Variants in FKBP8 observed in about 807,000 individuals in gnomAD.
FKBP8 encodes the protein peptidyl-prolyl cis-trans isomerase FKBP8.
Under a neutral mutation model 41.7 loss-of-function variants are expected in FKBP8, and 5 were observed. The observed-to-expected ratio is 0.12, with a 90% confidence interval of 0.06 to 0.25. The LOEUF (loss-of-function observed/expected upper bound fraction) is 0.25. FKBP8 is among the 10% of genes least tolerant of loss of function. FKBP8 has a pLI of 1.00. For synonymous variants in FKBP8, 279 were observed against 254.5 expected, an observed-to-expected ratio of 1.10 and a Z score of -0.92; for missense variants, 397 against 563.0, an observed-to-expected ratio of 0.71 and a Z score of 2.98.
At position 18,531,879 on chromosome 19, in the gene FKBP8, G is replaced by A; in HGVS notation, c.*290C>T. On this transcript the variant is annotated 3_prime_UTR_variant, in exon 9 of 9. Transcript: ENST00000608443. Reference sequence around the variant, plus strand: ...CTAGGCAGGGGAAGGGCTGCCCCCAGGCCTGTTGAGGAGAAACTGAGGCCA... The same window carrying A: ...CTAGGCAGGGGAAGGGCTGCCCCCAAGCCTGTTGAGGAGAAACTGAGGCCA... 2.3e-6 allele frequency: 1 copy of A among 438,242 alleles called. No homozygotes were observed. Among genetic ancestry groups the A allele is most frequent in the Non-Finnish European group, 4.2e-6 (1 of 236,020 alleles). The allele number at this position is 438,242 out of a possible 1,614,324, so 27.1% of individuals were successfully genotyped here. A position where few individuals can be genotyped will look rare whatever the true frequency, so the allele number is the denominator to read the frequency against.
rs768417071 is a variant in FKBP8 at position 18,541,836 on chromosome 19, T to TTCCTCCTCTTCC, written c.123_134dup (p.Glu43_Glu46dup). 1.6e-5 allele frequency: 26 copies of TTCCTCCTCTTCC among 1,613,200 alleles called. No homozygotes were observed. Among genetic ancestry groups the TTCCTCCTCTTCC allele is most frequent in the Non-Finnish European group, 2.1e-5 (25 of 1,179,620 alleles). ...GTGGCAGCTCACTCAGGTCATCCTC[T>TTCCTCCTCTTCC]TCCTCCTCTTCCTCCTCCTCTTCCT... On this transcript the variant is annotated inframe_insertion, in exon 2 of 9. Transcript: ENST00000608443.
At position 18,541,713 on chromosome 19, in the gene FKBP8, T is replaced by C. The variant is rs765376785; in HGVS notation, c.258A>G (p.Pro86=). Residue 86 remains proline, a synonymous_variant, in exon 2 of 9, where the codon CCA becomes CCG. Coordinates refer to ENST00000608443, the MANE Select transcript of FKBP8 (RefSeq NM_012181.5). ...FLAAMEPEPA[P]APAPEEWLDI... ...CCAGCCACTCTTCTGGGGCCGGGGC[T>C]GGGGCGGGCTCGGGCTCCATGGCAG... 5.6e-6 allele frequency: 9 copies of C among 1,612,538 alleles called. No homozygotes were observed. The highest frequency in any genetic ancestry group is 2.2e-5 in the East Asian group (1 of 44,866).
chr19:18,542,865 C>A, intron 1 of FKBP8: 1 of 1,277,402 alleles, frequency 7.8e-7, no homozygotes, highest in Non-Finnish European at 1.0e-6. Flanking sequence ...ACCAGCCCGC[C>A]GCATCCCCTC....
In FKBP8 at chr19:18,541,857, T is replaced by C; in HGVS notation, c.114A>G (p.Glu38=). The change falls in exon 2 of 9, where the codon GAA becomes GAG. Residue 38 remains glutamate, a synonymous_variant. Coordinates refer to ENST00000608443, the MANE Select transcript of FKBP8 (RefSeq NM_012181.5). ...CCTCTTCCTCCTCTTCCTCCTCCTC[T>C]TCCTCCTCACCCTCTGCATCCTCAA... ...DGVEDAEGEE[E]EEEEEEEEDD... The C allele has an allele frequency of 6.2e-7, 1 of 1,613,496 alleles. No individual in the cohort carries two copies. The highest frequency in any genetic ancestry group is 8.5e-7 in the Non-Finnish European group (1 of 1,179,722).
In FKBP8 at chr19:18,538,307, C is replaced by T. The variant is rs138488354; in HGVS notation, c.681G>A (p.Glu227=). The change falls in exon 5 of 9, where the codon GAG becomes GAA. Residue 227 remains glutamate (E), a synonymous_variant. Coordinates refer to ENST00000608443, the MANE Select transcript of FKBP8 (RefSeq NM_012181.5). This position sits in a 1 kb window ranked among gnomAD's most constrained non-coding sequence, Gnocchi z 4.0. ...ERVALANRKR[E]CGNAHYQRAD... is the part of the protein sequence containing the mutation. ...CCCGCTGGTAGTGGGCGTTGCCGCA[C>T]TCCCGCTTCCGGTTGGCCAGGGCCA... 2.8e-5 allele frequency: 45 copies of T among 1,613,608 alleles called. No homozygotes were observed. Among genetic ancestry groups the T allele is most frequent in the African/African-American group, 1.3e-4 (10 of 75,050 alleles).
At chr19:18,542,212 G>C (rs1976719072) in intron 1 of FKBP8, 5 of 553,966 alleles carry the variant, frequency 9.0e-6, no homozygotes, top group Non-Finnish European at 1.5e-5. Flanking sequence ...AATAGTGTTA[G>C]CCATTATTAG....
Position 18,538,349 on chromosome 19 carries a change from G to A in FKBP8, c.639C>T (p.Leu213=). 1 of 1,613,644 alleles carries A rather than the reference G, an allele frequency of 6.2e-7. No individual in the cohort carries two copies. The highest frequency in any genetic ancestry group is 8.5e-7 in the Non-Finnish European group (1 of 1,179,968). ...CCAGGGCCACGCGCTCCTGCCCCGT[G>A]AGCATCTCCAGGTCAGGCCCGTCCA... ...TAVDGPDLEM[L]TGQERVALAN... is the part of the protein sequence containing the mutation. Residue 213 remains leucine (L), a synonymous_variant, in exon 5 of 9, where the codon CTC becomes CTT. Transcript: ENST00000608443. The surrounding 1 kb of genome is among the most constrained non-coding windows in gnomAD (Gnocchi z 4.0).
At position 18,531,845 on chromosome 19, in the gene FKBP8, A is replaced by G; in HGVS notation, c.*324T>C. The G allele has an allele frequency of 3.5e-6, 1 of 282,024 alleles. No individual in the cohort carries two copies. The highest frequency in any genetic ancestry group is 6.6e-6 in the Non-Finnish European group (1 of 151,928). 17.5% of individuals were successfully genotyped at this position (282,024 alleles called of 1,614,324 possible). ...CAGGCGGGGTGGGGGGCTGGCACTC[A>G]GGCGGGGACTAGGCAGGGGAAGGGC... On this transcript the variant is annotated 3_prime_UTR_variant, in exon 9 of 9. Transcript: ENST00000608443.
intron 2 of FKBP8, 82 bp from the exon 3 acceptor site, chr19:18,539,802 C>G: frequency 1.3e-6 from 2 of 1,500,732 alleles, no homozygotes; most frequent in Non-Finnish European, 1.8e-6. Context: ...CTCCTACCCT[C>G]AGCTCTGCCC....
chr19:18,535,532 G>C (rs574122695), intron 6 of FKBP8, among the ~76,000 whole-genome samples: 2 of 152,074 alleles, frequency 1.3e-5, no homozygotes, highest in African/African-American at 4.8e-5. Flanking sequence ...AGCACTTTGG[G>C]AGGTCAAGGC....
At chr19:18,533,652 C>T (rs1976499404) in intron 6 of FKBP8, among the ~76,000 whole-genome samples, 2 of 150,420 alleles carry the variant, frequency 1.3e-5, no homozygotes, top group Admixed American at 6.7e-5. Context: ...TGCAGTGAGC[C>T]GAGATCACAC....
At chr19:18,540,717 C>T (rs1976678463) in intron 2 of FKBP8, among the ~76,000 whole-genome samples, 1 of 152,050 alleles carries the variant, frequency 6.6e-6, no homozygotes, top group African/African-American at 2.4e-5. Flanking sequence ...ACTAAAAATA[C>T]AAAAATCAGC....
At chr19:18,533,440 G>A (rs917618669) in intron 6 of FKBP8, 93 bp from the exon 7 acceptor site, 19 of 846,318 alleles carry the variant, frequency 2.2e-5, no homozygotes, top group Non-Finnish European at 5.4e-6. Context: ...AGCCAAGATG[G>A]TGTCACTGCA....
Position 18,537,776 on chromosome 19 carries a change from A to G in FKBP8, c.773-3T>C, listed in dbSNP as rs1181979011. ...CTCCTCCTCGAACGTCATGTCCACT[A>G]TTGGGAGACAGTGCCCGCCACGGCA... On this transcript the variant is annotated splice_polypyrimidine_tract_variant and splice_region_variant and intron_variant, in intron 5 of 8. Transcript: ENST00000608443. The surrounding 1 kb of genome is among the most constrained non-coding windows in gnomAD (Gnocchi z 4.4). The G allele has an allele frequency of 5.6e-6, 9 of 1,602,794 alleles. No homozygotes were observed. Among genetic ancestry groups the G allele is most frequent in the Non-Finnish European group, 6.8e-6 (8 of 1,172,168 alleles).
At chr19:18,534,367 A>G (rs996581902) in intron 6 of FKBP8, among the ~76,000 whole-genome samples, 1 of 152,154 alleles carries the variant, frequency 6.6e-6, no homozygotes, top group Non-Finnish European at 1.5e-5. Context: ...CAAGTGCCAA[A>G]TGGAGCTCTG....
intron 6 of FKBP8, among the ~76,000 whole-genome samples, chr19:18,534,791 GTTA>G (rs146575524): frequency 4.0e-5 from 6 of 150,770 alleles, no homozygotes; most frequent in African/African-American, 1.2e-4. Flanking sequence ...TATTACTATT[GTTA>G]TTATTATTAT....
chr19:18,532,572 C>T (rs1401077455), intron 8 of FKBP8, 92 bp downstream of exon 8: 12 of 1,541,038 alleles, frequency 7.8e-6, no homozygotes, highest in Non-Finnish European at 9.6e-6. Flanking sequence ...CAGGACGGCC[C>T]AGTCTCCGAG....
rs1008953397 is a variant in FKBP8, at chr19:18,532,768, C to G, written c.1051G>C (p.Val351Leu). The G allele has an allele frequency of 1.2e-6, 2 of 1,614,106 alleles. No homozygotes were observed. Reference protein sequence around the residue: ...KTIHAELSKLVKKHAAQRSTE... With the variant: ...KTIHAELSKLLKKHAAQRSTE... ...CTCCGCTGCGCCGCATGCTTCTTCA[C>G]CAGCTTTGAGAGCTCTGCGTGGATC... Residue 351 changes from valine (V) to leucine (L), a missense_variant, in exon 8 of 9, where the codon GTG becomes CTG. Val to Leu is a conservative substitution (Grantham distance 32). Transcript: ENST00000608443.
chr19:18,539,520 C>T (rs752098959), intron 3 of FKBP8, 31 bp downstream of exon 3: 11 of 1,611,036 alleles, frequency 6.8e-6, no homozygotes, highest in African/African-American at 2.7e-5. Flanking sequence ...GCACGCCCCT[C>T]GCCCCTGCCC....
Sources: allele counts gnomAD v4.1 joint callset (sites outside exome capture counted in the v4.1 genomes callset), GRCh38; gene constraint gnomAD v4.1.1; non-coding constraint Gnocchi (gnomAD v3.1); transcripts MANE v1.5; gene names NCBI Gene and HGNC (gene_info 2026-07-23, HGNC 2026-07-21).